The following MAP4K4 variants were observed in gnomAD, a reference collection of about 807,000 sequenced individuals.
MAP4K4 encodes HPK/GCK-like kinase HGK.
A neutral mutation model predicts 189.6 loss-of-function variants in MAP4K4; 38 were observed. That is an observed-to-expected ratio of 0.20 (90% CI 0.15 to 0.26). MAP4K4 has a LOEUF of 0.26. Ranked by LOEUF, MAP4K4 falls within the 10% of genes least tolerant of loss-of-function variation. The pLI is 1.00. For missense variants in MAP4K4, 1,054 were observed against 1,726.9 expected (o/e 0.61, Z 6.91); for synonymous variants, 610 against 624.3 (o/e 0.98, Z 0.34).
intron 3 of MAP4K4, among the ~76,000 whole-genome samples, chr2:101,801,618 A>G (rs2094382094): frequency 6.6e-6 from 1 of 152,210 alleles, no homozygotes; most frequent in Admixed American, 6.5e-5. Context: ...AGCCACTCTT[A>G]CCAGTTCTGG....
chr2:101,706,475 G>A (rs566636348), intron 2 of MAP4K4, among the ~76,000 whole-genome samples: 54 of 152,146 alleles, frequency 3.5e-4, no homozygotes, highest in African/African-American at 1.3e-3. Context: ...CCCCCACATC[G>A]CTTTTAGTTT....
rs186802981 is a variant in MAP4K4, at chr2:101,797,982, C to T, written c.180+7206C>T. 4.0e-4 allele frequency among the ~76,000 whole-genome samples: 55 copies of T among 137,364 alleles called. 1 individual carries two copies. The highest frequency in any genetic ancestry group is 6.6e-4 in the Admixed American group (8 of 12,186). The allele number at this position is 137,364 out of a possible 152,430, so 90.1% of individuals were successfully genotyped here. ...TAGCTGTGCACAAGTCTAGAGTGCA[C>T]GAGTCTAGCTCATCGTACCTCAAAT... is the stretch of plus-strand genomic sequence containing the variant. On this transcript the variant is annotated intron_variant, in intron 3 of 32. Transcript: ENST00000324219.
chr2:101,851,519 C>T (rs13392777), intron 12 of MAP4K4, among the ~76,000 whole-genome samples: 4,868 of 152,080 alleles, frequency 0.032, 265 homozygotes, highest in African/African-American at 0.11. Flanking sequence ...ATGCAAGAGG[C>T]CAGCTTTTCA....
intron 2 of MAP4K4, among the ~76,000 whole-genome samples, chr2:101,753,089 C>T (rs2070077083): frequency 6.6e-6 from 1 of 152,190 alleles, no homozygotes; most frequent in African/African-American, 2.4e-5. Context: ...TGCAATATCT[C>T]ATTTAATCTC....
At chr2:101,762,850 A>G (rs1271577730) in intron 2 of MAP4K4, among the ~76,000 whole-genome samples, 2 of 152,140 alleles carry the variant, frequency 1.3e-5, no homozygotes, top group African/African-American at 2.4e-5. Flanking sequence ...GGAAAGGATT[A>G]TGGAAAGCAA....
chr2:101,847,810 C>A (rs2097155567), intron 12 of MAP4K4, among the ~76,000 whole-genome samples: 1 of 152,146 alleles, frequency 6.6e-6, no homozygotes, highest in Non-Finnish European at 1.5e-5. Context: ...GTAGTGTACG[C>A]TAATGTTCAA....
At chr2:101,781,225 A>T (rs368465493) in intron 2 of MAP4K4, among the ~76,000 whole-genome samples, 8 of 152,286 alleles carry the variant, frequency 5.3e-5, no homozygotes, top group African/African-American at 1.9e-4. Flanking sequence ...TTGATGTTGT[A>T]GTAGCGACTG....
chr2:101,803,726 A>C (rs914210208), intron 3 of MAP4K4, among the ~76,000 whole-genome samples: 2 of 152,268 alleles, frequency 1.3e-5, no homozygotes, highest in Non-Finnish European at 2.9e-5. Context: ...ACAGGATCTT[A>C]AACATTTATA....
intron 2 of MAP4K4, among the ~76,000 whole-genome samples, chr2:101,730,085 G>A (rs2057726606): frequency 6.6e-6 from 1 of 152,194 alleles, no homozygotes; most frequent in African/African-American, 2.4e-5. Context: ...TGCGTCAGTG[G>A]ACCTAGGACG....
At chr2:101,828,505 GCT>G (rs1432818131) in intron 5 of MAP4K4, among the ~76,000 whole-genome samples, 1 of 152,158 alleles carries the variant, frequency 6.6e-6, no homozygotes, top group African/African-American at 2.4e-5. Context: ...AATAAGCTCT[GCT>G]CTGTTTCATA....
At chr2:101,749,294 A>G (rs2067302922) in intron 2 of MAP4K4, among the ~76,000 whole-genome samples, 1 of 150,924 alleles carries the variant, frequency 6.6e-6, no homozygotes, top group Admixed American at 6.6e-5. Flanking sequence ...ACAGCATGGT[A>G]CTGGTACCAA....
At chr2:101,777,015 A>G (rs1241629375) in intron 2 of MAP4K4, among the ~76,000 whole-genome samples, 2 of 152,208 alleles carry the variant, frequency 1.3e-5, no homozygotes, top group Non-Finnish European at 2.9e-5. Flanking sequence ...AGTCATAGCC[A>G]GGCTTTGCCA....
intron 13 of MAP4K4, among the ~76,000 whole-genome samples, chr2:101,858,229 C>T (rs2097535839): frequency 6.6e-6 from 1 of 152,210 alleles, no homozygotes; most frequent in African/African-American, 2.4e-5. Flanking sequence ...TATCCCTGTC[C>T]TTTATAATAC....
chr2:101,715,309 G>C (rs772936405), intron 2 of MAP4K4, among the ~76,000 whole-genome samples: 12 of 152,106 alleles, frequency 7.9e-5, no homozygotes, highest in Non-Finnish European at 1.8e-4. Flanking sequence ...TCTTCAAAAG[G>C]CCTTGTTTCT....
At chr2:101,841,724 C>A (rs2149553044) in intron 10 of MAP4K4, among the ~76,000 whole-genome samples, 1 of 152,228 alleles carries the variant, frequency 6.6e-6, no homozygotes. Context: ...GCCTCAGTCT[C>A]CCAAAGTGCT....
chr2:101,769,354 C>T (rs1038379651), intron 2 of MAP4K4, among the ~76,000 whole-genome samples: 3 of 152,088 alleles, frequency 2.0e-5, no homozygotes, highest in Non-Finnish European at 4.4e-5. Flanking sequence ...CTGGTGCTTA[C>T]AGACATGAAA....
chr2:101,707,637 T>A (rs1443694256), intron 2 of MAP4K4, among the ~76,000 whole-genome samples: 2 of 151,254 alleles, frequency 1.3e-5, no homozygotes, highest in African/African-American at 4.9e-5. Context: ...ATCAGCCTCT[T>A]GAATAGCTGG....
chr2:101,768,579 T>G (rs1046655096), intron 2 of MAP4K4, among the ~76,000 whole-genome samples: 1 of 152,222 alleles, frequency 6.6e-6, no homozygotes, highest in Admixed American at 6.5e-5. Flanking sequence ...TAAGACAATG[T>G]AGTAATACGT....
intron 2 of MAP4K4, among the ~76,000 whole-genome samples, chr2:101,726,997 G>A (rs1199635737): frequency 1.3e-5 from 2 of 152,116 alleles, no homozygotes; most frequent in Non-Finnish European, 2.9e-5. Context: ...GCTAACTCAT[G>A]TCTCTTTTCC....
Sources: gnomAD v4.1 joint callset for allele counts (sites outside exome capture counted in the v4.1 genomes callset) on GRCh38, gnomAD v4.1.1 for gene constraint, MANE v1.5 for transcripts, NCBI Gene and HGNC (gene_info 2026-07-23, HGNC 2026-07-21) for gene names.